The following INO80 variants were observed in gnomAD, a reference collection of about 807,000 sequenced individuals.
INO80 encodes the protein INO80 complex ATPase subunit.
Under a neutral mutation model 203.4 loss-of-function variants are expected in INO80, and 20 were observed. The observed-to-expected ratio is 0.10, with a 90% confidence interval of 0.07 to 0.14. The LOEUF (loss-of-function observed/expected upper bound fraction) is 0.14. INO80 is among the 10% of genes least tolerant of loss of function. INO80 has a pLI of 1.00. For synonymous variants in INO80, 726 were observed against 685.2 expected, an observed-to-expected ratio of 1.06 and a Z score of -0.93; for missense variants, 1,419 against 1,914.4, an observed-to-expected ratio of 0.74 and a Z score of 4.83.
intron 2 of INO80, 44 bp downstream of exon 2, chr15:41,096,124 A>G: frequency 6.5e-7 from 1 of 1,545,064 alleles, no homozygotes; most frequent in Non-Finnish European, 8.7e-7. Context: ...GATGATGGAA[A>G]TCAGGAATTT....
chr15:40,994,042 T>C (rs747820803), intron 29 of INO80, among the ~76,000 whole-genome samples: 2 of 152,212 alleles, frequency 1.3e-5, no homozygotes, highest in Non-Finnish European at 1.5e-5. Flanking sequence ...TACTAACCCC[T>C]ATATGATCTG....
intron 31 of INO80, 35 bp downstream of exon 31, chr15:40,987,056 C>T (rs1027227649): frequency 3.5e-5 from 42 of 1,216,832 alleles, no homozygotes; most frequent in Middle Eastern, 1.9e-4. Flanking sequence ...TTCTCAGATA[C>T]GTGAGGGGAG....
At chr15:41,032,121 A>C (rs2140491868) in intron 24 of INO80, among the ~76,000 whole-genome samples, 1 of 151,894 alleles carries the variant, frequency 6.6e-6, no homozygotes, top group South Asian at 2.1e-4. Flanking sequence ...AGCACAGAAA[A>C]CACACCGATG....
chr15:41,072,974 T>A (rs1244595086), intron 11 of INO80, among the ~76,000 whole-genome samples: 1 of 151,802 alleles, frequency 6.6e-6, no homozygotes, highest in East Asian at 1.9e-4. Flanking sequence ...AGAGATGGGG[T>A]TTCACCGTGT....
chr15:41,023,610 A>G (rs1395473044), intron 25 of INO80, among the ~76,000 whole-genome samples: 2 of 151,882 alleles, frequency 1.3e-5, no homozygotes, highest in Admixed American at 6.6e-5. Context: ...CTCTACTAAA[A>G]ATACAAAAAT....
intron 19 of INO80, among the ~76,000 whole-genome samples, chr15:41,051,784 T>G (rs1308403777): frequency 1.3e-5 from 2 of 151,820 alleles, no homozygotes; most frequent in Non-Finnish European, 2.9e-5. Flanking sequence ...TGGTGAAACC[T>G]CATCTCTACT....
At chr15:41,089,777 G>A (rs567210489) in intron 5 of INO80, among the ~76,000 whole-genome samples, 1 of 151,794 alleles carries the variant, frequency 6.6e-6, no homozygotes, top group Non-Finnish European at 1.5e-5. Context: ...GAGTCAGAAG[G>A]CTTTGGTAAC....
At chr15:41,112,097 C>G (rs2045966819) in intron 1 of INO80, among the ~76,000 whole-genome samples, 1 of 152,064 alleles carries the variant, frequency 6.6e-6, no homozygotes, top group Non-Finnish European at 1.5e-5. Flanking sequence ...GATGAGGTCT[C>G]CCTATATTGA....
Position 41,056,682 on chromosome 15 carries a change from C to T in INO80, c.2010G>A (p.Gln670=). 6.2e-7 allele frequency: 1 copy of T among 1,614,032 alleles called. No homozygotes were observed. The highest frequency in any genetic ancestry group is 8.5e-7 in the Non-Finnish European group (1 of 1,179,894). The change falls in exon 17 of 36, where the codon CAG becomes CAA. Residue 670 remains glutamine, a synonymous_variant. Transcript: ENST00000648947. ...GCAAAAGCCGATTCCGACACTGGAA[C>T]TGTAAGAGGATCTTCCAACGAACAC... ...SSSVRWKILL[Q]FQCRNRLLLT...
In INO80 at chr15:41,060,781, T is replaced by A. The variant is rs182205109; in HGVS notation, c.1783-855A>T. Among the ~76,000 whole-genome samples the A allele has an allele frequency of 1.1e-4, 16 of 152,086 alleles. No homozygotes were observed. In the East Asian group the frequency reaches 2.1e-3, roughly 20 times the overall value. On this transcript the variant is annotated intron_variant, in intron 14 of 35. Transcript: ENST00000648947. ...CCAGATTAAAAAGGCTTTGAATAAT[T>A]TGCATCCCCACCAACCCCCAAATAA...
At chr15:41,099,053 T>C (rs1363841473) in intron 1 of INO80, among the ~76,000 whole-genome samples, 1 of 151,756 alleles carries the variant, frequency 6.6e-6, no homozygotes, top group African/African-American at 2.4e-5. Flanking sequence ...GAGACCAGCC[T>C]GGGCAACATA....
intron 27 of INO80, among the ~76,000 whole-genome samples, chr15:41,006,812 T>TA (rs1171259693): frequency 1.3e-5 from 2 of 152,238 alleles, no homozygotes; most frequent in Non-Finnish European, 2.9e-5. Context: ...TTTGATTTTT[T>TA]AATTTTTTAC....
chr15:41,074,944 C>T (rs1420588449), intron 9 of INO80, among the ~76,000 whole-genome samples: 1 of 152,120 alleles, frequency 6.6e-6, no homozygotes, highest in Non-Finnish European at 1.5e-5. Flanking sequence ...AGGGTTTCAC[C>T]ATGTTGGCCA....
chr15:41,070,408 T>G, intron 13 of INO80, 59 bp downstream of exon 13: 1 of 1,475,982 alleles, frequency 6.8e-7, no homozygotes, highest in Non-Finnish European at 9.5e-7. Flanking sequence ...TGGCTGATTT[T>G]CAACAGAAAT....
At chr15:41,114,471 G>A (rs1006222441) in intron 1 of INO80, among the ~76,000 whole-genome samples, 3 of 152,124 alleles carry the variant, frequency 2.0e-5, no homozygotes, top group African/African-American at 4.8e-5. Context: ...CACTCTGGGA[G>A]GCCAAGGCAG....
chr15:41,079,659 T>C (rs1156765603), intron 9 of INO80, 42 bp downstream of exon 9: 3 of 1,543,710 alleles, frequency 1.9e-6, no homozygotes, highest in South Asian at 1.1e-5. Flanking sequence ...TTCAAATGGC[T>C]GTAGTAATTA....
intron 28 of INO80, among the ~76,000 whole-genome samples, chr15:41,003,043 C>A (rs1226655410): frequency 6.6e-6 from 1 of 152,104 alleles, no homozygotes; most frequent in East Asian, 2.0e-4. Context: ...TCGCTTGAAC[C>A]CAGGAGGTGG....
intron 24 of INO80, among the ~76,000 whole-genome samples, chr15:41,043,239 G>A (rs940096045): frequency 2.0e-5 from 3 of 152,178 alleles, no homozygotes; most frequent in South Asian, 2.1e-4. Flanking sequence ...GAAGAATGGT[G>A]CTTTTTGTAT....
At chr15:41,009,159 C>T (rs1002546680) in intron 27 of INO80, among the ~76,000 whole-genome samples, 18 of 151,908 alleles carry the variant, frequency 1.2e-4, no homozygotes, top group African/African-American at 4.1e-4. Flanking sequence ...ACATTTGATT[C>T]GAAAGCATTA....
Sources: allele counts gnomAD v4.1 joint callset (sites outside exome capture counted in the v4.1 genomes callset), GRCh38; gene constraint gnomAD v4.1.1; transcripts MANE v1.5; gene names NCBI Gene and HGNC (gene_info 2026-07-23, HGNC 2026-07-21).